Variants in GRID1 observed in about 807,000 individuals in gnomAD.
GRID1 encodes the protein glutamate ionotropic receptor delta type subunit 1.
GRID1 carries 28 observed loss-of-function variants against 98.0 expected under a neutral mutation model. That is an observed-to-expected ratio of 0.29 (90% confidence interval 0.21 to 0.39). The LOEUF (loss-of-function observed/expected upper bound fraction) is 0.39, where lower values mean the gene tolerates loss of function less well. GRID1 is among the 10% of genes least tolerant of loss of function. The pLI is 1.00. For missense variants in GRID1, 1,111 were observed against 1,340.5 expected (o/e 0.83, Z 2.67); for synonymous variants, 553 against 538.5 (o/e 1.03, Z -0.37).
intron 2 of GRID1, among the ~76,000 whole-genome samples, chr10:86,346,079 G>C (rs993214131): frequency 6.6e-6 from 1 of 152,188 alleles, no homozygotes; most frequent in Non-Finnish European, 1.5e-5. Context: ...TCATTCTCTT[G>C]TAGCATGCTT....
At chr10:86,314,910 G>A (rs1417026038) in intron 2 of GRID1, among the ~76,000 whole-genome samples, 1 of 152,162 alleles carries the variant, frequency 6.6e-6, no homozygotes, top group Non-Finnish European at 1.5e-5. Context: ...AAGGCTTTGT[G>A]TTAGTCCATC....
At position 85,811,048 on chromosome 10, in the gene GRID1, C is replaced by T. The variant is rs1308922078; in HGVS notation, c.1233+43448G>A. ...TGCATACACCCTAGCCTGAGAAACA[C>T]TTCAGCAAGCCCACCCCTGAAGAAG... On this transcript the variant is annotated intron_variant, in intron 8 of 15. Transcript: ENST00000327946. Among the ~76,000 whole-genome samples, 5 of 152,306 alleles carry T rather than the reference C, an allele frequency of 3.3e-5. No individual in the cohort carries two copies. In the South Asian group the frequency reaches 8.3e-4, roughly 25 times the overall value.
chr10:86,132,943 T>A, intron 4 of GRID1, among the ~76,000 whole-genome samples: 1 of 152,162 alleles, frequency 6.6e-6, no homozygotes, highest in East Asian at 1.9e-4. Flanking sequence ...CCAGCCTGGA[T>A]GAAAAGTGAC....
chr10:85,892,680 G>T (rs1207860349), intron 5 of GRID1, among the ~76,000 whole-genome samples: 1 of 151,906 alleles, frequency 6.6e-6, no homozygotes, highest in Non-Finnish European at 1.5e-5. Flanking sequence ...TCCTAGATCT[G>T]CTAAAAAAAT....
At chr10:86,179,887 G>A (rs770768655) in intron 3 of GRID1, among the ~76,000 whole-genome samples, 1 of 152,182 alleles carries the variant, frequency 6.6e-6, no homozygotes, top group Non-Finnish European at 1.5e-5. Flanking sequence ...GAGAAGAGGA[G>A]GCCCACATTT....
chr10:85,704,242 C>T (rs184070012), intron 12 of GRID1, among the ~76,000 whole-genome samples: 1 of 152,216 alleles, frequency 6.6e-6, no homozygotes, highest in African/African-American at 2.4e-5. Context: ...TGCAAAGACA[C>T]ACACAGGCTC....
chr10:86,102,893 T>C (rs1844319387), intron 4 of GRID1, among the ~76,000 whole-genome samples: 1 of 152,174 alleles, frequency 6.6e-6, no homozygotes. Flanking sequence ...GGCAGGTTTT[T>C]CCCAAGTTGT....
At chr10:85,963,152 T>C (rs1165736637) in intron 4 of GRID1, among the ~76,000 whole-genome samples, 1 of 152,084 alleles carries the variant, frequency 6.6e-6, no homozygotes, top group East Asian at 1.9e-4. Flanking sequence ...TGGAGGCAGT[T>C]GAAACTTAGA....
intron 2 of GRID1, among the ~76,000 whole-genome samples, chr10:86,249,766 C>G (rs1209854079): frequency 1.3e-5 from 2 of 152,240 alleles, no homozygotes; most frequent in African/African-American, 4.8e-5. Context: ...ACCTCCATCA[C>G]TGGGCCTCCA....
intron 6 of GRID1, among the ~76,000 whole-genome samples, chr10:85,868,105 C>A (rs1032873284): frequency 1.3e-5 from 2 of 152,182 alleles, no homozygotes; most frequent in Non-Finnish European, 2.9e-5. Flanking sequence ...AACCCTCATG[C>A]CTGGCTGGGT....
In GRID1 at chr10:85,870,031, A is replaced by G. The variant is rs138727154; in HGVS notation, c.781-851T>C. On this transcript the variant is annotated intron_variant, in intron 5 of 15. Coordinates refer to ENST00000327946, the MANE Select transcript of GRID1 (RefSeq NM_017551.3). ...ATGGTTAATATTGAGTATCAACTTG[A>G]TTGGATTGAAGGATGCAAAGTATTG... 2.1e-3 allele frequency among the ~76,000 whole-genome samples: 320 copies of G among 152,194 alleles called. 2 individuals are homozygous for G. The highest frequency in any genetic ancestry group is 7.3e-3 in the African/African-American group (303 of 41,516).
rs80149346 is a variant in GRID1, at chr10:86,156,140, G to A, written c.521-17116C>T. Among the ~76,000 whole-genome samples the A allele has an allele frequency of 5.3e-5, 8 of 152,366 alleles. No homozygotes were observed. The East Asian group carries it at 7.7e-4, about 15-fold the overall frequency. ...CCCAAAAGAATGCCTGGCCTCTAGC[G>A]AAGGTGTGAGCAAGGGGAGAAGAGA... On this transcript the variant is annotated intron_variant, in intron 3 of 15. Coordinates refer to ENST00000327946, the MANE Select transcript of GRID1 (RefSeq NM_017551.3).
intron 8 of GRID1, among the ~76,000 whole-genome samples, chr10:85,805,228 A>G (rs1842613002): frequency 6.6e-6 from 1 of 151,742 alleles, no homozygotes; most frequent in Non-Finnish European, 1.5e-5. Flanking sequence ...TTAGCCACTG[A>G]AAAATGAAAT....
intron 12 of GRID1, among the ~76,000 whole-genome samples, chr10:85,655,288 T>C (rs79170610): frequency 1.3e-5 from 2 of 152,012 alleles, no homozygotes; most frequent in Non-Finnish European, 2.9e-5. Context: ...AGTGGATCCA[T>C]GCCCACTGGA....
At chr10:85,602,736 C>T (rs777464465) in intron 15 of GRID1, 35 bp from the exon 16 acceptor site, 2 of 1,516,292 alleles carry the variant, frequency 1.3e-6, no homozygotes, top group Non-Finnish European at 1.8e-6. Flanking sequence ...AGGTGGAGCC[C>T]TAACAGTGAG....
chr10:86,035,456 A>G (rs955830018), intron 4 of GRID1, among the ~76,000 whole-genome samples: 1 of 152,214 alleles, frequency 6.6e-6, no homozygotes, highest in African/African-American at 2.4e-5. Flanking sequence ...CATGGATGGT[A>G]GAGAGTGTGC....
intron 2 of GRID1, among the ~76,000 whole-genome samples, chr10:86,337,671 T>C (rs902698047): frequency 1.3e-5 from 2 of 148,698 alleles, no homozygotes; most frequent in Non-Finnish European, 3.0e-5. Context: ...CTTATCCTGC[T>C]AACAGCCTTT....
chr10:86,022,540 T>C lies in GRID1; in HGVS notation c.727-106301A>G, dbSNP rs76553078. Reference sequence around the variant, plus strand: ...AGGATGAAAAAAAAACACAGGGCAGTTCTGACGCTCTTTTTTTTCCCCGAG... The same window carrying C: ...AGGATGAAAAAAAAACACAGGGCAGCTCTGACGCTCTTTTTTTTCCCCGAG... On this transcript the variant is annotated intron_variant, in intron 4 of 15. Transcript: ENST00000327946. 5.4e-3 allele frequency among the ~76,000 whole-genome samples: 821 copies of C among 152,156 alleles called. 11 individuals carry two copies. Among genetic ancestry groups the C allele is most frequent in the African/African-American group, 0.019 (774 of 41,506 alleles).
At chr10:85,744,550 C>A (rs1470375985) in intron 8 of GRID1, among the ~76,000 whole-genome samples, 2 of 137,372 alleles carry the variant, frequency 1.5e-5, no homozygotes, top group African/African-American at 5.6e-5. Flanking sequence ...CCCTTCCTTA[C>A]ACCTTATACA....
Sources: gnomAD v4.1 joint callset for allele counts (sites outside exome capture counted in the v4.1 genomes callset) on GRCh38, gnomAD v4.1.1 for gene constraint, MANE v1.5 for transcripts, NCBI Gene and HGNC (gene_info 2026-07-23, HGNC 2026-07-21) for gene names.